The following TCERG1 variants were observed in gnomAD, a reference collection of about 807,000 sequenced individuals.
TCERG1 encodes TATA box binding protein (TBP)-associated factor, RNA polymerase II, S, 150kD.
A neutral mutation model predicts 144.7 loss-of-function variants in TCERG1; 37 were observed. The ratio of observed to expected loss-of-function variants is 0.26; its 90% CI spans 0.20 to 0.34. TCERG1 has a LOEUF of 0.34. Among genes scored for constraint, TCERG1 ranks in the 10% least tolerant of loss-of-function variants. The pLI, the probability that TCERG1 is intolerant of heterozygous loss-of-function variation, is 1.00. For missense variants in TCERG1, 1,027 were observed against 1,380.7 expected (o/e 0.74, Z 4.06); for synonymous variants, 492 against 458.2 (o/e 1.07, Z -0.94).
intron 5 of TCERG1, among the ~76,000 whole-genome samples, chr5:146,466,796 A>G (rs767406389): frequency 3.3e-5 from 5 of 152,208 alleles, no homozygotes; most frequent in African/African-American, 4.8e-5. Flanking sequence ...GGTTAAGCCT[A>G]TGTATGAATA....
intron 4 of TCERG1, among the ~76,000 whole-genome samples, chr5:146,461,024 C>T (rs1337690558): frequency 6.6e-6 from 1 of 152,056 alleles, no homozygotes; most frequent in Admixed American, 6.5e-5. Context: ...TTCTTTCCTG[C>T]GTTCTTAGAA....
chr5:146,471,491 C>G lies in TCERG1; in HGVS notation c.1516C>G (p.Pro506Ala). The G allele has an allele frequency of 6.2e-7, 1 of 1,611,798 alleles. No individual in the cohort carries two copies. Among genetic ancestry groups the G allele is most frequent in the Non-Finnish European group, 8.5e-7 (1 of 1,178,938 alleles). The stretch of plus-strand genomic sequence containing the variant: ...AGAGTAATATCATTTCTTGTAGGAG[C>G]CCAAAGAAGAGGAGATGACTGAAGA... Reference protein sequence around the residue: ...EEPIKEIKEEPKEEEMTEEEK... With the variant: ...EEPIKEIKEEAKEEEMTEEEK... Residue 506 changes from proline to alanine, a missense_variant, in exon 9 of 23, where the codon CCC (proline) becomes GCC (alanine). Coordinates refer to ENST00000679501, the MANE Select transcript of TCERG1 (RefSeq NM_001382548.1).
At chr5:146,475,189 A>G (rs191026342) in intron 9 of TCERG1, among the ~76,000 whole-genome samples, 1 of 152,248 alleles carries the variant, frequency 6.6e-6, no homozygotes, top group African/African-American at 2.4e-5. Context: ...TTTTTCCTAT[A>G]GTGTTCCCAA....
intron 1 of TCERG1, among the ~76,000 whole-genome samples, chr5:146,448,206 T>A (rs1581344975): frequency 6.6e-6 from 1 of 152,192 alleles, no homozygotes; most frequent in Non-Finnish European, 1.5e-5. Flanking sequence ...TAAGATTGCA[T>A]AGGCGGATTT....
intron 9 of TCERG1, 24 bp downstream of exon 9, chr5:146,471,600 A>ATTTTT: frequency 7.2e-7 from 1 of 1,388,790 alleles, no homozygotes; most frequent in Non-Finnish European, 9.8e-7. Flanking sequence ...TCAAGTAGTA[A>ATTTTT]TTTTTTTTTT....
At position 146,459,044 on chromosome 5, in the gene TCERG1, A is replaced by C. The variant is rs1368369864; in HGVS notation, c.599A>C (p.Gln200Pro). The C allele has an allele frequency of 6.2e-7, 1 of 1,604,138 alleles. No individual in the cohort carries two copies. Among genetic ancestry groups the C allele is most frequent in the Non-Finnish European group, 8.5e-7 (1 of 1,172,358 alleles). The change falls in exon 4 of 23, where the codon CAG (glutamine) becomes CCG (proline). Residue 200 changes from glutamine (Q) to proline (P), a missense_variant. Physicochemically the swap from Gln to Pro is moderately conservative, Grantham distance 76 (BLOSUM62 -1). Transcript: ENST00000679501. ...CAGGCCCAGGCGCAGGCTCAGGCCC[A>C]GGCACAAGCTCAGGCCCAGGCTCAG... ...QAQAQAQAQA[Q>P]AQAQAQAQAQ... is the part of the protein sequence containing the mutation.
chr5:146,469,132 A>G (rs1217531774), intron 6 of TCERG1, among the ~76,000 whole-genome samples: 2 of 152,172 alleles, frequency 1.3e-5, no homozygotes, highest in Non-Finnish European at 2.9e-5. Flanking sequence ...AGTTACCTTA[A>G]AATTAAAAAT....
At chr5:146,476,702 C>T (rs1230792253) in intron 9 of TCERG1, among the ~76,000 whole-genome samples, 3 of 152,180 alleles carry the variant, frequency 2.0e-5, no homozygotes, top group Non-Finnish European at 4.4e-5. Flanking sequence ...CAATTTGGAG[C>T]TTCGTGGTCC....
At chr5:146,464,913 T>C (rs751973575) in intron 5 of TCERG1, among the ~76,000 whole-genome samples, 18 of 152,308 alleles carry the variant, frequency 1.2e-4, no homozygotes, top group Admixed American at 1.3e-4. Context: ...CCTTCAGATA[T>C]ACCTTGTCAA....
chr5:146,481,158 C>CT lies in TCERG1; in HGVS notation c.1895_1896insT (p.Lys634GlufsTer13). The stretch of plus-strand genomic sequence containing the variant: ...TTAACTGCTTTTATCAGGAGAATGT[C>CT]AAAGAAGTCCTTTATGTGGATTGCC... On this transcript the variant is annotated frameshift_variant, in exon 13 of 23. Transcript: ENST00000679501. LOFTEE classifies it high-confidence loss of function. 1 of 985,200 alleles carries CT rather than the reference C, an allele frequency of 1.0e-6. No homozygotes were observed. The highest frequency in any genetic ancestry group is 1.2e-6 in the Non-Finnish European group (1 of 829,830). 61.0% of individuals were successfully genotyped at this position (985,200 alleles called of 1,614,324 possible). A position where few individuals can be genotyped will look rare whatever the true frequency, so the allele number is the denominator to read the frequency against.
At chr5:146,458,287 C>T (rs559202752) in intron 3 of TCERG1, among the ~76,000 whole-genome samples, 72 of 150,904 alleles carry the variant, frequency 4.8e-4, no homozygotes, top group African/African-American at 1.7e-3. Context: ...AGTGATTCTC[C>T]TTCCTCAGCC....
At position 146,464,757 on chromosome 5, in the gene TCERG1, C is replaced by T. The variant is rs184004591; in HGVS notation, c.1135+964C>T. On this transcript the variant is annotated intron_variant, in intron 5 of 22. Transcript: ENST00000679501. The stretch of plus-strand genomic sequence containing the variant: ...TTAGGCCTCTTGTCTCTCAAGTTCA[C>T]ATTCCATCCACTTATTGCTACTTTC... Among the ~76,000 whole-genome samples the T allele has an allele frequency of 3.3e-5, 5 of 152,288 alleles. No individual in the cohort carries two copies. In the East Asian group the frequency reaches 9.7e-4, roughly 29 times the overall value.
At position 146,459,145 on chromosome 5, in the gene TCERG1, C is replaced by G. The variant is rs1257440772; in HGVS notation, c.700C>G (p.Gln234Glu). 5 of 1,611,348 alleles carry G rather than the reference C, an allele frequency of 3.1e-6. No individual in the cohort carries two copies. In the Admixed American group the frequency reaches 8.3e-5, roughly 27 times the overall value. ...CCAGGCCCAGGCTCAGGCTCAGGCACAAGCTCAGGCCCAGGCCCAGGCTCA... is the reference window on the plus strand; with the variant it reads ...CCAGGCCCAGGCTCAGGCTCAGGCAGAAGCTCAGGCCCAGGCCCAGGCTCA... ...QAQAQAQAQA[Q>E]AQAQAQAQVQ... is the part of the protein sequence containing the mutation. The change falls in exon 4 of 23, where the codon CAA becomes GAA. Residue 234 changes from glutamine (Q) to glutamate (E), a missense_variant. Physicochemically the swap from Gln to Glu is conservative, Grantham distance 29. Around this residue, in one of 6 missense-constraint regions of TCERG1, gnomAD observed 187 missense variants for 169.1 expected, o/e 1.11. Coordinates refer to ENST00000679501, the MANE Select transcript of TCERG1 (RefSeq NM_001382548.1).
chr5:146,485,840 G>A (rs1056383614), intron 15 of TCERG1, among the ~76,000 whole-genome samples: 2 of 152,062 alleles, frequency 1.3e-5, no homozygotes, highest in Non-Finnish European at 2.9e-5. Flanking sequence ...GATTACAAGC[G>A]TGCACCACCA....
intron 1 of TCERG1, among the ~76,000 whole-genome samples, chr5:146,447,849 C>T (rs1289152281): frequency 3.3e-5 from 5 of 152,264 alleles, no homozygotes; most frequent in Non-Finnish European, 1.5e-5. Flanking sequence ...CTGGCTAAGC[C>T]TTCTCCACGC....
chr5:146,489,643 A>T (rs1027158645), intron 15 of TCERG1, among the ~76,000 whole-genome samples: 3 of 152,206 alleles, frequency 2.0e-5, no homozygotes, highest in Non-Finnish European at 4.4e-5. Context: ...TGAATATATC[A>T]TGATCCAAAA....
chr5:146,481,595 C>G (rs1215682537), intron 13 of TCERG1: 1 of 152,052 alleles, frequency 6.6e-6, no homozygotes, highest in Non-Finnish European at 1.5e-5. Context: ...CTACAGTTTC[C>G]TGTATAGCAT....
intron 1 of TCERG1, among the ~76,000 whole-genome samples, chr5:146,452,232 A>C (rs1051271648): frequency 2.6e-5 from 4 of 152,202 alleles, no homozygotes; most frequent in African/African-American, 9.6e-5. Context: ...ACGAGAGACT[A>C]TAAGAATGAT....
intron 1 of TCERG1, among the ~76,000 whole-genome samples, chr5:146,454,725 A>G (rs573800689): frequency 7.9e-5 from 12 of 152,030 alleles, no homozygotes; most frequent in South Asian, 2.1e-4. Context: ...AGCCTCCCCA[A>G]TAGCAGGACT....
Sources: allele counts gnomAD v4.1 joint callset (sites outside exome capture counted in the v4.1 genomes callset), GRCh38; gene constraint gnomAD v4.1.1; regional missense constraint gnomAD v4.1.1; transcripts MANE v1.5; gene names NCBI Gene and HGNC (gene_info 2026-07-23, HGNC 2026-07-21).